Variants in LRP1B observed in about 807,000 individuals in gnomAD.
LRP1B encodes the protein low-density lipoprotein receptor-related protein 1B.
LRP1B carries 217 observed loss-of-function variants against 556.6 expected under a neutral mutation model. The ratio of observed to expected loss-of-function variants is 0.39; its 90% CI spans 0.35 to 0.44. LRP1B has a LOEUF of 0.44. Among genes scored for constraint, LRP1B ranks in the 20% least tolerant of loss-of-function variants. The pLI, the probability that LRP1B is intolerant of heterozygous loss-of-function variation, is 1.00. For synonymous variants in LRP1B, 2,047 were observed against 1,865.8 expected, an observed-to-expected ratio of 1.10 and a Z score of -2.50; for missense variants, 5,053 against 5,620.8, an observed-to-expected ratio of 0.90 and a Z score of 3.23.
intron 41 of LRP1B, among the ~76,000 whole-genome samples, chr2:140,685,974 T>C (rs1375269854): frequency 6.6e-6 from 1 of 152,094 alleles, no homozygotes; most frequent in Non-Finnish European, 1.5e-5. Flanking sequence ...GAAATCACTG[T>C]GGGCTGCAGC....
intron 49 of LRP1B, among the ~76,000 whole-genome samples, chr2:140,524,216 A>AT (rs1491280277): frequency 6.6e-6 from 1 of 152,010 alleles, no homozygotes; most frequent in Non-Finnish European, 1.5e-5. Context: ...CAACAAACAC[A>AT]TAAAAAAGTG....
chr2:141,850,840 A>G (rs1322880218), intron 1 of LRP1B, among the ~76,000 whole-genome samples: 1 of 151,806 alleles, frequency 6.6e-6, no homozygotes, highest in Non-Finnish European at 1.5e-5. Context: ...TTATTTGATG[A>G]GTCTGGAATG....
chr2:141,186,174 A>T (rs1367071624), intron 7 of LRP1B, among the ~76,000 whole-genome samples: 1 of 151,192 alleles, frequency 6.6e-6, no homozygotes, highest in East Asian at 1.9e-4. Flanking sequence ...TCCATTTTAA[A>T]ATCTATGAAG....
At chr2:140,889,242 T>C (rs1376595012) in intron 23 of LRP1B, among the ~76,000 whole-genome samples, 1 of 152,176 alleles carries the variant, frequency 6.6e-6, no homozygotes, top group Non-Finnish European at 1.5e-5. Context: ...TAATTGGAAG[T>C]CCAAGAATTA....
chr2:141,092,376 C>T (rs1005699858), intron 7 of LRP1B, among the ~76,000 whole-genome samples: 8 of 152,164 alleles, frequency 5.3e-5, no homozygotes, highest in Non-Finnish European at 1.0e-4. Context: ...GTTACTGTTA[C>T]TGAGCAGGGG....
chr2:141,437,414 T>G (rs6726260), intron 3 of LRP1B, among the ~76,000 whole-genome samples: 4,391 of 152,138 alleles, frequency 0.029, 228 homozygotes, highest in African/African-American at 0.1. Flanking sequence ...ACAGAAAAGA[T>G]GAATTAAAAA....
chr2:141,992,030 A>T (rs1219801139), intron 1 of LRP1B, among the ~76,000 whole-genome samples: 1 of 152,108 alleles, frequency 6.6e-6, no homozygotes, highest in Non-Finnish European at 1.5e-5. Context: ...TATATAACCT[A>T]TCCCTGATAT....
chr2:140,918,186 T>TTGTGTG (rs61561343), intron 21 of LRP1B, among the ~76,000 whole-genome samples: 10 of 147,820 alleles, frequency 6.8e-5, no homozygotes, highest in Middle Eastern at 6.9e-3. Context: ...GATTTCTATT[T>TTGTGTG]TGTGTGTGTG....
At chr2:142,009,995 T>C (rs1201550597) in intron 1 of LRP1B, among the ~76,000 whole-genome samples, 1 of 152,160 alleles carries the variant, frequency 6.6e-6, no homozygotes, top group Non-Finnish European at 1.5e-5. Context: ...TATCTCTTTA[T>C]ATAGATATAG....
intron 2 of LRP1B, among the ~76,000 whole-genome samples, chr2:141,608,609 CTT>C (rs1372695331): frequency 6.6e-6 from 1 of 151,986 alleles, no homozygotes; most frequent in South Asian, 2.1e-4. Context: ...AGATGACTTA[CTT>C]TTTTTTAATT....
At chr2:141,105,100 G>A (rs145546358) in intron 7 of LRP1B, among the ~76,000 whole-genome samples, 46 of 152,080 alleles carry the variant, frequency 3.0e-4, no homozygotes, top group African/African-American at 1.1e-3. Flanking sequence ...CATAATAATT[G>A]CTAACCATCA....
Position 140,769,250 on chromosome 2 carries a change from T to C in LRP1B, c.5721A>G (p.Ser1907=). ...SDKMDALMPI[S]GTSFAVGIDF... ...CTATTCCCACGGCAAATGAAGTTCC[T>C]GATATAGGCATCAAAGCATCCATTT... The change falls in exon 35 of 91, where the codon TCA becomes TCG. Residue 1907 remains serine (S), a synonymous_variant. Transcript: ENST00000389484. The C allele has an allele frequency of 1.2e-6, 2 of 1,612,356 alleles. No individual in the cohort carries two copies. The highest frequency in any genetic ancestry group is 1.1e-5 in the South Asian group (1 of 91,040).
chr2:141,260,643 G>A (rs756319588), intron 3 of LRP1B, among the ~76,000 whole-genome samples: 13 of 152,160 alleles, frequency 8.5e-5, no homozygotes, highest in Non-Finnish European at 1.6e-4. Context: ...ATAGTCAATA[G>A]CATTATGCTG....
At chr2:141,136,711 A>C in intron 7 of LRP1B, among the ~76,000 whole-genome samples, 1 of 151,922 alleles carries the variant, frequency 6.6e-6, no homozygotes, top group East Asian at 1.9e-4. Flanking sequence ...GTATCTACCA[A>C]GTAATTAGCT....
At chr2:141,695,741 G>A (rs1270119192) in intron 2 of LRP1B, among the ~76,000 whole-genome samples, 1 of 151,826 alleles carries the variant, frequency 6.6e-6, no homozygotes, top group African/African-American at 2.4e-5. Flanking sequence ...AACCAGATGA[G>A]GTCCTAAATA....
chr2:141,451,265 A>G (rs1681411644), intron 3 of LRP1B, among the ~76,000 whole-genome samples: 1 of 152,216 alleles, frequency 6.6e-6, no homozygotes, highest in Non-Finnish European at 1.5e-5. Flanking sequence ...CTTACAAAAT[A>G]TCAAGTTCAA....
At chr2:140,532,960 C>CTATATCTATATCTATATATATATATA (rs1553482133) in intron 47 of LRP1B, among the ~76,000 whole-genome samples, 1 of 132,076 alleles carries the variant, frequency 7.6e-6, no homozygotes. Context: ...ACATATATAT[C>CTATATCTATATCTATATATATATATA]TCGATCTGTT....
chr2:141,939,387 G>A (rs1700727386), intron 1 of LRP1B, among the ~76,000 whole-genome samples: 1 of 151,998 alleles, frequency 6.6e-6, no homozygotes, highest in Admixed American at 6.5e-5. Flanking sequence ...TCTGAACAGA[G>A]GACTGTGTAT....
At chr2:141,578,937 A>G (rs6429910) in intron 2 of LRP1B, among the ~76,000 whole-genome samples, 148,390 of 152,268 alleles carry the variant, frequency 0.97, 72,424 homozygotes, top group East Asian at 1. Flanking sequence ...ATACATGACG[A>G]TTTGAGTTTC....
Sources: gnomAD v4.1 joint callset for allele counts (sites outside exome capture counted in the v4.1 genomes callset) on GRCh38, gnomAD v4.1.1 for gene constraint, MANE v1.5 for transcripts, NCBI Gene and HGNC (gene_info 2026-07-23, HGNC 2026-07-21) for gene names.